Variants in ATG7 observed in about 807,000 individuals in gnomAD.
ATG7 encodes the protein ubiquitin-like modifier-activating enzyme ATG7.
ATG7 carries 70 observed loss-of-function variants against 82.4 expected under a neutral mutation model. The observed-to-expected ratio is 0.85, with a 90% CI of 0.70 to 1.04. The LOEUF (loss-of-function observed/expected upper bound fraction) is 1.04. Ranked by LOEUF, ATG7 falls within the 50% of genes least tolerant of loss-of-function variation. The pLI, the probability that ATG7 is intolerant of heterozygous loss-of-function variation, is 0.00. For missense variants in ATG7, 792 were observed against 864.3 expected (o/e 0.92, Z 1.05); for synonymous variants, 287 against 313.0 (o/e 0.92, Z 0.88).
At position 11,382,646 on chromosome 3, in the gene ATG7, C is replaced by CTA. The variant is rs200767609; in HGVS notation, c.1956+2595_1956+2596dup. Among the ~76,000 whole-genome samples, 949 of 152,286 alleles carry CTA rather than the reference C, an allele frequency of 6.2e-3. 8 individuals carry two copies. The highest frequency in any genetic ancestry group is 0.021 in the African/African-American group (879 of 41,540). On this transcript the variant is annotated intron_variant, in intron 19 of 20. Coordinates refer to ENST00000693202, the MANE Select transcript of ATG7 (RefSeq NM_001349232.2). ...CTTCTACAAAGAAATTCCAAGCTAA[C>CTA]TAGAGTATTGTGGTGTTACTACCAG...
chr3:11,421,058 A>G (rs1185426875), intron 19 of ATG7, among the ~76,000 whole-genome samples: 1 of 152,144 alleles, frequency 6.6e-6, no homozygotes, highest in Non-Finnish European at 1.5e-5. Context: ...CCTGGCCACA[A>G]AATACTTTTT....
chr3:11,327,345 C>A (rs1951024727), intron 9 of ATG7, among the ~76,000 whole-genome samples: 2 of 152,198 alleles, frequency 1.3e-5, no homozygotes, highest in South Asian at 4.1e-4. Flanking sequence ...ATGCAGTGAA[C>A]CCTCTTTTAA....
chr3:11,443,761 TAA>T (rs1046016429), intron 20 of ATG7, among the ~76,000 whole-genome samples: 35 of 152,314 alleles, frequency 2.3e-4, no homozygotes, highest in African/African-American at 7.7e-4. Flanking sequence ...TTAGAAAAGT[TAA>T]AGTGACAAAG....
intron 5 of ATG7, among the ~76,000 whole-genome samples, chr3:11,300,461 G>C (rs190301767): frequency 5.6e-4 from 86 of 152,250 alleles, no homozygotes; most frequent in South Asian, 1.4e-3. Flanking sequence ...CAGGGATTTT[G>C]CTATCTTCTA....
At position 11,381,878 on chromosome 3, in the gene ATG7, T is replaced by C. The variant is rs145305544; in HGVS notation, c.1956+1826T>C. 6.3e-3 allele frequency among the ~76,000 whole-genome samples: 965 copies of C among 152,346 alleles called. 8 individuals are homozygous for C. The highest frequency in any genetic ancestry group is 0.021 in the African/African-American group (878 of 41,582). On this transcript the variant is annotated intron_variant, in intron 19 of 20. Transcript: ENST00000693202. ...TACTTACTTGGCTACCTTCTTTATTTGCTTAGGAGATTGTCATTCTCTATT... is the reference window on the plus strand; with the variant it reads ...TACTTACTTGGCTACCTTCTTTATTCGCTTAGGAGATTGTCATTCTCTATT...
intron 20 of ATG7, among the ~76,000 whole-genome samples, chr3:11,530,304 C>T (rs528506328): frequency 2.0e-5 from 3 of 152,326 alleles, no homozygotes; most frequent in South Asian, 2.1e-4. Flanking sequence ...GTGCGGTGCG[C>T]GTGCAGTCCC....
At chr3:11,513,821 A>G (rs780147067) in intron 20 of ATG7, among the ~76,000 whole-genome samples, 18 of 152,348 alleles carry the variant, frequency 1.2e-4, no homozygotes, top group Admixed American at 5.2e-4. Flanking sequence ...GGAGTGCTTT[A>G]TGAAACGTAG....
intron 19 of ATG7, among the ~76,000 whole-genome samples, chr3:11,389,194 C>G (rs1032710858): frequency 7.8e-6 from 1 of 127,842 alleles, no homozygotes; most frequent in Admixed American, 9.7e-5. Flanking sequence ...GATGGTGCCA[C>G]TGTGCTCCAG....
intron 3 of ATG7, among the ~76,000 whole-genome samples, chr3:11,290,059 C>G (rs1177869607): frequency 6.6e-6 from 1 of 152,082 alleles, no homozygotes; most frequent in Non-Finnish European, 1.5e-5. Context: ...TAGTATAGAC[C>G]GGGTAGGAAA....
At chr3:11,448,744 C>T (rs1278540298) in intron 20 of ATG7, among the ~76,000 whole-genome samples, 1 of 152,148 alleles carries the variant, frequency 6.6e-6, no homozygotes, top group African/African-American at 2.4e-5. Flanking sequence ...CTATGAATTT[C>T]TTGAGGCAAC....
At chr3:11,324,188 C>T (rs769920205) in intron 9 of ATG7, among the ~76,000 whole-genome samples, 1 of 152,160 alleles carries the variant, frequency 6.6e-6, no homozygotes, top group Non-Finnish European at 1.5e-5. Context: ...TGCCCAAGTT[C>T]GCACAATTAA....
intron 9 of ATG7, among the ~76,000 whole-genome samples, chr3:11,323,254 G>A (rs1480745419): frequency 5.3e-5 from 8 of 152,176 alleles, no homozygotes; most frequent in African/African-American, 1.9e-4. Flanking sequence ...GGCTACCAGT[G>A]TGAAGTCCTG....
chr3:11,505,592 G>A (rs746512811), intron 20 of ATG7, among the ~76,000 whole-genome samples: 8 of 152,106 alleles, frequency 5.3e-5, no homozygotes, highest in Non-Finnish European at 5.9e-5. Context: ...CCTTACCTCC[G>A]ACCGCAAAAG....
chr3:11,541,485 C>G (rs2070830674), intron 20 of ATG7, among the ~76,000 whole-genome samples: 1 of 152,178 alleles, frequency 6.6e-6, no homozygotes, highest in Admixed American at 6.5e-5. Flanking sequence ...CAGTGTCTGC[C>G]TTGTTACTTG....
intron 20 of ATG7, among the ~76,000 whole-genome samples, chr3:11,536,723 G>T (rs977583676): frequency 1.3e-5 from 2 of 152,126 alleles, no homozygotes; most frequent in Non-Finnish European, 2.9e-5. Flanking sequence ...GACCGGGGCC[G>T]AGCAGCGAAG....
chr3:11,538,731 A>C, intron 20 of ATG7, among the ~76,000 whole-genome samples: 1 of 137,524 alleles, frequency 7.3e-6, no homozygotes, highest in African/African-American at 2.8e-5. Flanking sequence ...AAAAAAAGCC[A>C]GATGTGGTGG....
chr3:11,554,545 A>G (rs2072205875), intron 20 of ATG7, among the ~76,000 whole-genome samples: 1 of 152,160 alleles, frequency 6.6e-6, no homozygotes, highest in Non-Finnish European at 1.5e-5. Flanking sequence ...CCCGAGGTGG[A>G]CATGCAGGAG....
chr3:11,406,686 G>A (rs2152905992), intron 19 of ATG7, among the ~76,000 whole-genome samples: 1 of 152,292 alleles, frequency 6.6e-6, no homozygotes, highest in East Asian at 1.9e-4. Flanking sequence ...AATCCTGGTG[G>A]AAGGTAAGGA....
intron 19 of ATG7, among the ~76,000 whole-genome samples, chr3:11,410,192 A>G (rs979465858): frequency 6.6e-5 from 10 of 152,246 alleles, no homozygotes; most frequent in Non-Finnish European, 1.5e-4. Context: ...CCTCCTATCC[A>G]TGAACAAGAA....
Sources: allele counts gnomAD v4.1 joint callset (sites outside exome capture counted in the v4.1 genomes callset), GRCh38; gene constraint gnomAD v4.1.1; transcripts MANE v1.5; gene names NCBI Gene and HGNC (gene_info 2026-07-23, HGNC 2026-07-21).